PTK7: variants seen among roughly 807,000 people sequenced by gnomAD.
The protein encoded by PTK7 is protein tyrosine kinase 7 (inactive), also known as inactive tyrosine-protein kinase 7.
PTK7 carries 39 observed loss-of-function variants against 116.6 expected under a neutral mutation model. The observed-to-expected ratio is 0.33, with a 90% CI of 0.26 to 0.44. PTK7 has a LOEUF of 0.44. PTK7 is among the 20% of genes least tolerant of loss of function. The probability of loss-of-function intolerance (pLI) is 1.00; values close to 1 mark genes in which losing one functional copy is unlikely to be tolerated. For missense variants in PTK7, 1,169 were observed against 1,425.6 expected (o/e 0.82, Z 2.90); for synonymous variants, 546 against 563.6 (o/e 0.97, Z 0.44).
chr6:43,081,333 T>C (rs1237890419), intron 1 of PTK7, among the ~76,000 whole-genome samples: 1 of 152,208 alleles, frequency 6.6e-6, no homozygotes, highest in Non-Finnish European at 1.5e-5. Context: ...ACTGAGGGGC[T>C]CTCCCATAGA....
rs547044678 is a variant in PTK7 at position 43,143,552 on chromosome 6, A to G, written c.2183A>G (p.Lys728Arg). The change falls in exon 14 of 20, where the codon AAG (lysine) becomes AGG (arginine). Residue 728 changes from lysine (K) to arginine (R), a missense_variant. This residue lies in a region of PTK7 where 678 missense variants were observed against 853.8 expected (regional missense o/e 0.79). Transcript: ENST00000230419. The surrounding 1 kb of genome is among the most constrained non-coding windows in gnomAD (Gnocchi z 4.2). ...AVLGLMFYCK[K>R]RCKAKRLQKQ... ...CTGGGCCTCATGTTCTACTGCAAGA[A>G]GCGCTGCAAAGCCAAGCGGCTGCAG... 6.2e-7 allele frequency: 1 copy of G among 1,613,924 alleles called. No homozygotes were observed. Among genetic ancestry groups the G allele is most frequent in the South Asian group, 1.1e-5 (1 of 91,070 alleles).
At position 43,159,096 on chromosome 6, in the gene PTK7, A is replaced by T. The variant is rs1202205421; in HGVS notation, c.2873+128A>T. 6.6e-6 allele frequency: 8 copies of T among 1,218,040 alleles called. No individual in the cohort carries two copies. In the Middle Eastern group the frequency reaches 1.1e-3, roughly 170 times the overall value. The allele number at this position is 1,218,040 out of a possible 1,614,324, so 75.5% of individuals were successfully genotyped here. ...TTAGTCCAAAGCTGGAGGGCCTGGG[A>T]TAGGGAAGAGCTTTCTCATCCTTTT... On this transcript the variant is annotated intron_variant, in intron 18 of 19. Transcript: ENST00000230419.
chr6:43,147,060 C>A (rs982907955), intron 17 of PTK7, among the ~76,000 whole-genome samples: 2 of 152,236 alleles, frequency 1.3e-5, no homozygotes, highest in African/African-American at 2.4e-5. Flanking sequence ...GGAGAAGCAG[C>A]AAGCAGTCCT....
chr6:43,143,694 A>C lies in PTK7; in HGVS notation c.2251+74A>C. 1 of 1,494,724 alleles carries C rather than the reference A, an allele frequency of 6.7e-7. No individual in the cohort carries two copies. The highest frequency in any genetic ancestry group is 1.2e-5 in the South Asian group (1 of 83,908). 92.6% of individuals were successfully genotyped at this position (1,494,724 alleles called of 1,614,324 possible). ...GCCCTCCCGCGGCCACGGAGGGGAG[A>C]GCGCCAGCACTCTGGAAACCGAGCG... On this transcript the variant is annotated intron_variant, in intron 14 of 19. Transcript: ENST00000230419. This position sits in a 1 kb window ranked among gnomAD's most constrained non-coding sequence, Gnocchi z 4.2.
At position 43,132,449 on chromosome 6, in the gene PTK7, A is replaced by G; in HGVS notation, c.990A>G (p.Pro330=). The G allele has an allele frequency of 1.3e-6, 2 of 1,588,620 alleles. No homozygotes were observed. The highest frequency in any genetic ancestry group is 1.1e-5 in the South Asian group (1 of 88,940). Residue 330 remains proline (P), a synonymous_variant, in exon 7 of 20, where the codon CCA becomes CCG. Transcript: ENST00000230419. The part of the protein sequence containing the change: ...AEIEDMPLFE[P]RVFTAGSEER... ...TTGAAGACATGCCGCTATTTGAGCC[A>G]CGGGTGTTTACAGCTGGCAGCGAGG...
chr6:43,114,074 C>T (rs985345353), intron 1 of PTK7, among the ~76,000 whole-genome samples: 17 of 151,818 alleles, frequency 1.1e-4, no homozygotes, highest in African/African-American at 3.4e-4. Context: ...AGGGGGTGGG[C>T]AGGGTCCCCC....
At chr6:43,133,037 A>G in intron 7 of PTK7, 1 of 441,498 alleles carries the variant, frequency 2.3e-6, no homozygotes, top group Non-Finnish European at 4.0e-6. Flanking sequence ...CAGTCTCCTC[A>G]TCCATAAAAT....
At chr6:43,135,794 C>G (rs564125770) in intron 7 of PTK7, among the ~76,000 whole-genome samples, 1 of 152,364 alleles carries the variant, frequency 6.6e-6, no homozygotes, top group Admixed American at 6.5e-5. Flanking sequence ...CAAACCACTT[C>G]AAAACGTGGT....
intron 17 of PTK7, among the ~76,000 whole-genome samples, chr6:43,150,410 G>T (rs1770995255): frequency 6.6e-6 from 1 of 152,202 alleles, no homozygotes; most frequent in Non-Finnish European, 1.5e-5. Flanking sequence ...ATTGGCTTGA[G>T]TCTAACAGAA....
chr6:43,119,934 T>C (rs1768860699), intron 1 of PTK7, among the ~76,000 whole-genome samples: 1 of 152,202 alleles, frequency 6.6e-6, no homozygotes, highest in Non-Finnish European at 1.5e-5. Context: ...AGGGGTCTGC[T>C]TAGTCCGAGA....
chr6:43,136,933 C>T (rs1770077669), intron 7 of PTK7, among the ~76,000 whole-genome samples: 1 of 151,996 alleles, frequency 6.6e-6, no homozygotes, highest in African/African-American at 2.4e-5. Flanking sequence ...GAGCCTGGGA[C>T]GCTGAGGCTG....
At chr6:43,155,964 C>G (rs1215932971) in intron 17 of PTK7, among the ~76,000 whole-genome samples, 1 of 152,094 alleles carries the variant, frequency 6.6e-6, no homozygotes, top group Non-Finnish European at 1.5e-5. Flanking sequence ...CGTGGTGGCT[C>G]ACGCCTGTAA....
intron 1 of PTK7, among the ~76,000 whole-genome samples, chr6:43,116,651 T>TGCGCGCGCGCGC (rs879197725): frequency 1.3e-5 from 1 of 77,208 alleles, no homozygotes; most frequent in African/African-American, 6.5e-5. Flanking sequence ...TGTGTGTGTG[T>TGCGCGCGCGCGC]GCGCGCGCAC....
chr6:43,082,649 T>G (rs956530165), intron 1 of PTK7, among the ~76,000 whole-genome samples: 1 of 152,228 alleles, frequency 6.6e-6, no homozygotes, highest in Non-Finnish European at 1.5e-5. Context: ...TTTAAATAAC[T>G]CACTTTATGC....
In PTK7 at chr6:43,157,376, CT is replaced by C. The variant is rs71547832; in HGVS notation, c.2722-1422del. ...TATATATATATATATTTTTTTTTTT[CT>C]TTTTTTTTTTTTTTTTTTAATAGAG... On this transcript the variant is annotated intron_variant, in intron 17 of 19. Coordinates refer to ENST00000230419, the MANE Select transcript of PTK7 (RefSeq NM_002821.5). 7.9e-3 allele frequency among the ~76,000 whole-genome samples: 173 copies of C among 21,826 alleles called. 26 individuals are homozygous for C. Among genetic ancestry groups the C allele is most frequent in the East Asian group, 0.019 (11 of 572 alleles). The allele number at this position is 21,826 out of a possible 152,430, so 14.3% of individuals were successfully genotyped here.
At chr6:43,116,604 TTGTGTGTGTGTGTGTGTGTG>T (rs751605217) in intron 1 of PTK7, among the ~76,000 whole-genome samples, 11 of 119,168 alleles carry the variant, frequency 9.2e-5, no homozygotes, top group South Asian at 2.9e-4. Flanking sequence ...AAAAGCTGGT[TTGTGTGTGTGTGTGTGTGTG>T]TGTGTGTGTG....
In PTK7 at chr6:43,129,390, C is replaced by A; in HGVS notation, c.367+126C>A. On this transcript the variant is annotated intron_variant, in intron 2 of 19. Coordinates refer to ENST00000230419, the MANE Select transcript of PTK7 (RefSeq NM_002821.5). This position sits in a 1 kb window ranked among gnomAD's most constrained non-coding sequence, Gnocchi z 4.5. ...AACGGGCCAGGCAGAATGCATTTAT[C>A]ATCAGCTTTTTTTGCTCATGTGGAT... is the stretch of plus-strand genomic sequence containing the variant. 2.4e-6 allele frequency: 3 copies of A among 1,254,930 alleles called. No homozygotes were observed. Among genetic ancestry groups the A allele is most frequent in the Non-Finnish European group, 3.3e-6 (3 of 914,416 alleles). 77.7% of individuals were successfully genotyped at this position (1,254,930 alleles called of 1,614,324 possible). A position where few individuals can be genotyped will look rare whatever the true frequency, so the allele number is the denominator to read the frequency against.
At chr6:43,151,736 A>G (rs1771106770) in intron 17 of PTK7, among the ~76,000 whole-genome samples, 2 of 145,300 alleles carry the variant, frequency 1.4e-5, no homozygotes, top group South Asian at 4.3e-4. Flanking sequence ...ACGGGGTTTG[A>G]CCAAGTTGGC....
intron 17 of PTK7, among the ~76,000 whole-genome samples, chr6:43,157,346 AT>A (rs1771513702): frequency 3.8e-4 from 2 of 5,330 alleles, no homozygotes; most frequent in African/African-American, 7.1e-4. Context: ...ATATATATAT[AT>A]ATATATATAT....
Sources: allele counts gnomAD v4.1 joint callset (sites outside exome capture counted in the v4.1 genomes callset), GRCh38; gene constraint gnomAD v4.1.1; regional missense constraint gnomAD v4.1.1; non-coding constraint Gnocchi (gnomAD v3.1); transcripts MANE v1.5; gene names NCBI Gene and HGNC (gene_info 2026-07-23, HGNC 2026-07-21).